The following MDGA2 variants were observed in gnomAD, a reference collection of about 807,000 sequenced individuals.
The protein encoded by MDGA2 is MAM domain containing glycosylphosphatidylinositol anchor 2.
Under a neutral mutation model 117.8 loss-of-function variants are expected in MDGA2, and 40 were observed. That is an observed-to-expected ratio of 0.34 (90% CI 0.26 to 0.44). MDGA2 has a LOEUF of 0.44. Among genes scored for constraint, MDGA2 ranks in the 20% least tolerant of loss-of-function variants. The pLI is 1.00. For missense variants in MDGA2, 1,123 were observed against 1,250.6 expected, an observed-to-expected ratio of 0.90 and a Z score of 1.54; for synonymous variants, 452 against 439.0, an observed-to-expected ratio of 1.03 and a Z score of -0.37.
chr14:47,329,502 G>A (rs757048234), intron 1 of MDGA2, among the ~76,000 whole-genome samples: 6 of 152,002 alleles, frequency 3.9e-5, no homozygotes, highest in Non-Finnish European at 7.4e-5. Flanking sequence ...TTCTTCAAAA[G>A]CTTCTCACTT....
intron 3 of MDGA2, among the ~76,000 whole-genome samples, chr14:47,165,438 C>T (rs1410222039): frequency 6.6e-6 from 1 of 151,902 alleles, no homozygotes; most frequent in Non-Finnish European, 1.5e-5. Flanking sequence ...AGCCTTTCTT[C>T]CCTCTTTATC....
At position 47,256,101 on chromosome 14, in the gene MDGA2, T is replaced by C. The variant is rs559805783; in HGVS notation, c.421-37906A>G. 2.6e-5 allele frequency among the ~76,000 whole-genome samples: 4 copies of C among 151,686 alleles called. No homozygotes were observed. The East Asian group carries it at 5.8e-4, about 22-fold the overall frequency. ...TTTTGGTTTTAAATCAAATTTCTTT[T>C]TTTTTTTTTTTCTGAAGCCCTGATC... On this transcript the variant is annotated intron_variant, in intron 2 of 16. Coordinates refer to ENST00000399232, the MANE Select transcript of MDGA2 (RefSeq NM_001113498.3).
chr14:46,959,379 A>G (rs964111131), intron 8 of MDGA2, among the ~76,000 whole-genome samples: 1 of 151,214 alleles, frequency 6.6e-6, no homozygotes, highest in East Asian at 1.9e-4. Context: ...TTTGCATGTG[A>G]TATTTTTCCA....
At chr14:47,026,964 G>A (rs1428033724) in intron 8 of MDGA2, among the ~76,000 whole-genome samples, 2 of 151,942 alleles carry the variant, frequency 1.3e-5, no homozygotes, top group African/African-American at 4.8e-5. Flanking sequence ...TTGAGGCCAG[G>A]AGTTTGAATC....
At chr14:47,519,573 A>AT (rs1454693466) in intron 1 of MDGA2, among the ~76,000 whole-genome samples, 1 of 152,242 alleles carries the variant, frequency 6.6e-6, no homozygotes, top group African/African-American at 2.4e-5. Flanking sequence ...AAACGCAAGT[A>AT]TAAAAACGGC....
chr14:47,484,032 T>C (rs758193036), intron 1 of MDGA2, among the ~76,000 whole-genome samples: 29 of 152,184 alleles, frequency 1.9e-4, no homozygotes, highest in Admixed American at 1.5e-3. Context: ...AAGTTTTGTC[T>C]AATTAATTTA....
intron 1 of MDGA2, chr14:47,306,008 A>C (rs868241450): frequency 6.6e-6 from 1 of 152,202 alleles, no homozygotes; most frequent in African/African-American, 2.4e-5. Context: ...GTAATATGCC[A>C]GTGTCTATTG....
intron 7 of MDGA2, among the ~76,000 whole-genome samples, chr14:47,036,528 C>G (rs958784722): frequency 6.6e-6 from 1 of 152,110 alleles, no homozygotes; most frequent in Admixed American, 6.5e-5. Context: ...AATTCAAATG[C>G]ATTTGTGCAG....
chr14:47,057,588 G>A (rs1177877887), intron 7 of MDGA2, among the ~76,000 whole-genome samples: 9 of 87,748 alleles, frequency 1.0e-4, no homozygotes, highest in African/African-American at 3.0e-4. Context: ...AAACACATGA[G>A]GCCTCTCTTT....
chr14:47,653,294 T>C (rs755161762), intron 1 of MDGA2, among the ~76,000 whole-genome samples: 3 of 152,138 alleles, frequency 2.0e-5, no homozygotes, highest in Non-Finnish European at 1.5e-5. Flanking sequence ...CAATAGTTCT[T>C]TGCTGAGATT....
chr14:47,597,458 A>G (rs1896564820), intron 1 of MDGA2, among the ~76,000 whole-genome samples: 1 of 152,112 alleles, frequency 6.6e-6, no homozygotes. Flanking sequence ...GTAAGTTAAT[A>G]ATGTTGGTAA....
At chr14:47,474,030 G>A (rs532334870) in intron 1 of MDGA2, among the ~76,000 whole-genome samples, 1 of 152,252 alleles carries the variant, frequency 6.6e-6, no homozygotes, top group Non-Finnish European at 1.5e-5. Flanking sequence ...AGGAAGAGAG[G>A]AAGTCAAATT....
chr14:47,446,288 T>C (rs1469252988), intron 1 of MDGA2, among the ~76,000 whole-genome samples: 1 of 152,132 alleles, frequency 6.6e-6, no homozygotes, highest in Non-Finnish European at 1.5e-5. Context: ...TATTCATACA[T>C]TGGGAATTAT....
At chr14:47,623,439 G>C (rs1897085401) in intron 1 of MDGA2, among the ~76,000 whole-genome samples, 1 of 152,120 alleles carries the variant, frequency 6.6e-6, no homozygotes, top group Non-Finnish European at 1.5e-5. Context: ...CTAATGCATA[G>C]ATTTTTTTAA....
At chr14:46,982,047 A>G (rs1278855020) in intron 8 of MDGA2, among the ~76,000 whole-genome samples, 1 of 152,370 alleles carries the variant, frequency 6.6e-6, no homozygotes, top group African/African-American at 2.4e-5. Context: ...TCATACATTC[A>G]TAAGTATTTG....
intron 5 of MDGA2, among the ~76,000 whole-genome samples, chr14:47,098,318 T>C (rs1196441742): frequency 6.6e-6 from 1 of 150,388 alleles, no homozygotes; most frequent in African/African-American, 2.4e-5. Context: ...ATTACAGTTC[T>C]ATGGGAAAGA....
chr14:47,016,858 G>A (rs988694277), intron 8 of MDGA2, among the ~76,000 whole-genome samples: 3 of 151,874 alleles, frequency 2.0e-5, no homozygotes, highest in Non-Finnish European at 4.4e-5. Flanking sequence ...GGAAATTATG[G>A]AGCGTTTATG....
intron 8 of MDGA2, among the ~76,000 whole-genome samples, chr14:47,023,213 A>AG (rs1296058910): frequency 2.0e-5 from 3 of 151,444 alleles, no homozygotes; most frequent in Non-Finnish European, 4.4e-5. Context: ...AAAAAAAAAA[A>AG]AAAAGAAAAA....
intron 5 of MDGA2, among the ~76,000 whole-genome samples, chr14:47,115,425 C>T (rs753375360): frequency 6.6e-6 from 1 of 151,938 alleles, no homozygotes; most frequent in African/African-American, 2.4e-5. Context: ...TTAAGGCCTT[C>T]CCTAAGAAAC....
Sources: allele counts gnomAD v4.1 joint callset (sites outside exome capture counted in the v4.1 genomes callset), GRCh38; gene constraint gnomAD v4.1.1; transcripts MANE v1.5; gene names NCBI Gene and HGNC (gene_info 2026-07-23, HGNC 2026-07-21).